The following CAMKMT variants were observed in gnomAD, a reference collection of about 807,000 sequenced individuals.
CAMKMT encodes calmodulin-lysine N-methyltransferase.
In CAMKMT, 53 loss-of-function variants were observed where a neutral mutation model predicts 48.0. The observed-to-expected ratio is 1.10, with a 90% CI of 0.89 to 1.39. The LOEUF (loss-of-function observed/expected upper bound fraction) is 1.39. CAMKMT is among the 40% of genes most tolerant of loss of function. The pLI is 0.00. For synonymous variants in CAMKMT, 165 were observed against 152.3 expected (o/e 1.08, Z -0.61); for missense variants, 428 against 402.7 (o/e 1.06, Z -0.54).
At chr2:44,616,395 G>A (rs1441067150) in intron 3 of CAMKMT, among the ~76,000 whole-genome samples, 1 of 152,184 alleles carries the variant, frequency 6.6e-6, no homozygotes, top group African/African-American at 2.4e-5. Flanking sequence ...AAGAGCTCTA[G>A]TGACTACTTT....
intron 3 of CAMKMT, among the ~76,000 whole-genome samples, chr2:44,601,126 C>T (rs964194561): frequency 7.9e-5 from 12 of 151,936 alleles, no homozygotes; most frequent in African/African-American, 2.7e-4. Context: ...AAAATATAGC[C>T]AGATGTTTTA....
At chr2:44,719,609 T>G (rs1678354995) in intron 7 of CAMKMT, among the ~76,000 whole-genome samples, 1 of 152,206 alleles carries the variant, frequency 6.6e-6, no homozygotes, top group Non-Finnish European at 1.5e-5. Context: ...TTAAAATTGG[T>G]ATTTAGAGAA....
chr2:44,631,743 T>C (rs2103970510), intron 3 of CAMKMT: 1 of 379,376 alleles, frequency 2.6e-6, no homozygotes, highest in Non-Finnish European at 4.7e-6. Context: ...TATCTTGCTA[T>C]TTGTTTTCTG....
intron 3 of CAMKMT, among the ~76,000 whole-genome samples, chr2:44,613,867 C>G (rs1671726906): frequency 6.6e-6 from 1 of 152,116 alleles, no homozygotes; most frequent in Non-Finnish European, 1.5e-5. Flanking sequence ...GTTTTCACGT[C>G]CGTCTCTATG....
At chr2:44,532,846 G>A (rs1666564060) in intron 3 of CAMKMT, among the ~76,000 whole-genome samples, 1 of 148,934 alleles carries the variant, frequency 6.7e-6, no homozygotes, top group Non-Finnish European at 1.5e-5. Context: ...ACAGAGTCTC[G>A]CTGTCACCCA....
At chr2:44,695,134 G>A (rs557192063) in intron 3 of CAMKMT, among the ~76,000 whole-genome samples, 1 of 152,276 alleles carries the variant, frequency 6.6e-6, no homozygotes, top group Admixed American at 6.5e-5. Context: ...TGTAGCAGAA[G>A]TGCTATAATT....
chr2:44,690,842 GGT>G (rs1301294703), intron 3 of CAMKMT, among the ~76,000 whole-genome samples: 4 of 152,050 alleles, frequency 2.6e-5, no homozygotes, highest in Non-Finnish European at 5.9e-5. Flanking sequence ...TGGGTGTGGT[GGT>G]GTGTGCCTGT....
In CAMKMT at chr2:44,574,371, G is replaced by A. The variant is rs183815446; in HGVS notation, c.377-129912G>A. Among the ~76,000 whole-genome samples, 599 of 152,206 alleles carry A rather than the reference G, an allele frequency of 3.9e-3. 2 individuals carry two copies. Among genetic ancestry groups the A allele is most frequent in the Middle Eastern group, 6.8e-3 (2 of 294 alleles). ...TTGGTGGGCTCTGGGTTATAGCTGC[G>A]GCCCCTAATTATCTGATATCTAGCC... On this transcript the variant is annotated intron_variant, in intron 3 of 10. Coordinates refer to ENST00000378494, the MANE Select transcript of CAMKMT (RefSeq NM_024766.5).
At chr2:44,771,528 A>T (rs929919014) in intron 10 of CAMKMT, among the ~76,000 whole-genome samples, 1 of 152,144 alleles carries the variant, frequency 6.6e-6, no homozygotes, top group Non-Finnish European at 1.5e-5. Context: ...TTTTTGAGTG[A>T]CTTATTATTA....
At chr2:44,543,310 G>T (rs575166676) in intron 3 of CAMKMT, among the ~76,000 whole-genome samples, 7 of 152,272 alleles carry the variant, frequency 4.6e-5, no homozygotes, top group African/African-American at 1.7e-4. Flanking sequence ...TGCCGTGTAA[G>T]TGTAGCCACC....
At chr2:44,675,474 G>C (rs1675629685) in intron 3 of CAMKMT, among the ~76,000 whole-genome samples, 3 of 151,878 alleles carry the variant, frequency 2.0e-5, no homozygotes, top group Admixed American at 2.0e-4. Flanking sequence ...CACCCTCCCT[G>C]TTCTCCTTCT....
chr2:44,639,200 C>G (rs1193176628), intron 3 of CAMKMT, among the ~76,000 whole-genome samples: 1 of 152,210 alleles, frequency 6.6e-6, no homozygotes, highest in Non-Finnish European at 1.5e-5. Flanking sequence ...GTCAGGATAT[C>G]TGACAGAAAT....
chr2:44,363,906 G>T (rs1321987215), intron 1 of CAMKMT, among the ~76,000 whole-genome samples: 1 of 151,350 alleles, frequency 6.6e-6, no homozygotes, highest in Non-Finnish European at 1.5e-5. Context: ...GGCCAGGCTG[G>T]TCTCAAACTC....
intron 8 of CAMKMT, among the ~76,000 whole-genome samples, chr2:44,747,416 T>C (rs575899063): frequency 1.3e-5 from 2 of 152,218 alleles, no homozygotes; most frequent in African/African-American, 4.8e-5. Flanking sequence ...TTCGCCCAAA[T>C]ATAGTCAGCC....
chr2:44,532,329 A>G (rs544819548), intron 3 of CAMKMT, among the ~76,000 whole-genome samples: 2 of 152,328 alleles, frequency 1.3e-5, no homozygotes, highest in East Asian at 1.9e-4. Flanking sequence ...TGTGAATTCA[A>G]AAGGGAATAA....
At chr2:44,422,085 G>T (rs1477318504) in intron 3 of CAMKMT, among the ~76,000 whole-genome samples, 2 of 152,136 alleles carry the variant, frequency 1.3e-5, no homozygotes, top group Non-Finnish European at 2.9e-5. Flanking sequence ...TTGGAGGTGG[G>T]GCCTGGTGGG....
chr2:44,664,095 TA>T (rs1241678771), intron 3 of CAMKMT, among the ~76,000 whole-genome samples: 1 of 152,240 alleles, frequency 6.6e-6, no homozygotes, highest in African/African-American at 2.4e-5. Flanking sequence ...TAATCTCAAT[TA>T]AACAGTTGGG....
At chr2:44,403,555 G>A (rs77033611) in intron 3 of CAMKMT, among the ~76,000 whole-genome samples, 312 of 152,222 alleles carry the variant, frequency 2.0e-3, no homozygotes, top group African/African-American at 7.0e-3. Flanking sequence ...TCTCACTACT[G>A]CTGATTTAAG....
chr2:44,739,408 T>C (rs1427549023), intron 7 of CAMKMT, among the ~76,000 whole-genome samples: 1 of 152,210 alleles, frequency 6.6e-6, no homozygotes, highest in African/African-American at 2.4e-5. Context: ...TTCAAGGTCT[T>C]TGGCCTGAGC....
Sources: allele counts gnomAD v4.1 joint callset (sites outside exome capture counted in the v4.1 genomes callset), GRCh38; gene constraint gnomAD v4.1.1; transcripts MANE v1.5; gene names NCBI Gene and HGNC (gene_info 2026-07-23, HGNC 2026-07-21).